UBR3: variants seen among roughly 807,000 people sequenced by gnomAD.
The protein encoded by UBR3 is ubiquitin protein ligase E3 component n-recognin 3, also known as E3 ubiquitin-protein ligase UBR3.
UBR3 carries 85 observed loss-of-function variants against 243.2 expected under a neutral mutation model. The observed-to-expected ratio is 0.35, with a 90% CI of 0.29 to 0.42. The LOEUF (loss-of-function observed/expected upper bound fraction) is 0.42, where lower values mean the gene tolerates loss of function less well. Among genes scored for constraint, UBR3 ranks in the 10% least tolerant of loss-of-function variants. The pLI is 1.00. For missense variants in UBR3, 1,686 were observed against 2,300.8 expected (o/e 0.73, Z 5.47); for synonymous variants, 748 against 799.8 (o/e 0.94, Z 1.09).
intron 23 of UBR3, among the ~76,000 whole-genome samples, chr2:169,950,896 A>G (rs1032415203): frequency 1.1e-4 from 16 of 152,128 alleles, no homozygotes; most frequent in African/African-American, 3.4e-4. Flanking sequence ...TAAAGAAAAA[A>G]AAAAAGAGCA....
chr2:169,904,288 A>G (rs16857257), intron 8 of UBR3, among the ~76,000 whole-genome samples: 8,726 of 152,276 alleles, frequency 0.057, 461 homozygotes, highest in African/African-American at 0.14. Context: ...AATAGAAACA[A>G]AAATTGACTC....
At chr2:169,845,605 A>C (rs1417943786) in intron 1 of UBR3, among the ~76,000 whole-genome samples, 2 of 129,900 alleles carry the variant, frequency 1.5e-5, no homozygotes, top group African/African-American at 5.8e-5. Flanking sequence ...TTTTTTTGAG[A>C]TGGGGTCTCG....
intron 24 of UBR3, among the ~76,000 whole-genome samples, chr2:169,968,947 G>T (rs2087953210): frequency 6.6e-6 from 1 of 152,098 alleles, no homozygotes; most frequent in South Asian, 2.1e-4. Flanking sequence ...GATTAATCAT[G>T]TTGACCTTTT....
intron 1 of UBR3, among the ~76,000 whole-genome samples, chr2:169,834,170 G>T (rs940184967): frequency 2.0e-5 from 3 of 152,172 alleles, no homozygotes; most frequent in Admixed American, 1.3e-4. Flanking sequence ...GTTGAATAGT[G>T]TTACTCTCTT....
chr2:169,844,022 T>C (rs1266644545), intron 1 of UBR3, among the ~76,000 whole-genome samples: 2 of 151,292 alleles, frequency 1.3e-5, no homozygotes, highest in Admixed American at 6.6e-5. Context: ...TTTTTTTTTT[T>C]TGAGACTGAG....
intron 24 of UBR3, among the ~76,000 whole-genome samples, chr2:169,976,612 C>A (rs1574324531): frequency 6.6e-6 from 1 of 152,158 alleles, no homozygotes; most frequent in African/African-American, 2.4e-5. Flanking sequence ...AAGGTTTTTG[C>A]TGAGAAATCT....
intron 24 of UBR3, among the ~76,000 whole-genome samples, chr2:169,962,314 A>G (rs2087616261): frequency 6.6e-6 from 1 of 152,036 alleles, no homozygotes; most frequent in Non-Finnish European, 1.5e-5. Context: ...CCTTAAAGCA[A>G]TCCTTCTGCC....
intron 5 of UBR3, among the ~76,000 whole-genome samples, chr2:169,882,602 A>G (rs1162762337): frequency 4.0e-5 from 6 of 151,528 alleles, no homozygotes; most frequent in African/African-American, 1.2e-4. Flanking sequence ...TTAGCTGAAC[A>G]TGCTGGCACA....
In UBR3 at chr2:169,927,418, A is replaced by G. The variant is rs1487888280; in HGVS notation, c.2424+13A>G. 1 of 1,524,628 alleles carries G rather than the reference A, an allele frequency of 6.6e-7. No individual in the cohort carries two copies. The highest frequency in any genetic ancestry group is 1.3e-5 in the South Asian group (1 of 77,088). The allele number at this position is 1,524,628 out of a possible 1,614,324, so 94.4% of individuals were successfully genotyped here. ...ATTGCTGGACCTCATATCCTTTTAAAATTTTACTTTCTGTTAGTTGCAGGA... is the reference window on the plus strand; with the variant it reads ...ATTGCTGGACCTCATATCCTTTTAAGATTTTACTTTCTGTTAGTTGCAGGA... On this transcript the variant is annotated intron_variant, in intron 17 of 38. Coordinates refer to ENST00000272793, the MANE Select transcript of UBR3 (RefSeq NM_172070.4).
At chr2:169,870,650 TTA>T (rs2083404495) in intron 1 of UBR3, among the ~76,000 whole-genome samples, 1 of 152,058 alleles carries the variant, frequency 6.6e-6, no homozygotes, top group African/African-American at 2.4e-5. Flanking sequence ...CTGTCTTTTA[TTA>T]TTATTATTAT....
At position 170,001,295 on chromosome 2, in the gene UBR3, A is replaced by G. The variant is rs759284289; in HGVS notation, c.3919-9A>G. The G allele has an allele frequency of 3.8e-6, 6 of 1,584,278 alleles. No homozygotes were observed. The highest frequency in any genetic ancestry group is 1.3e-5 in the African/African-American group (1 of 74,132). Reference sequence around the variant, plus strand: ...AATTAATTGTATTTGTCTTCTTTTTATTTTGAAGAGTTCATGTCTCTTGGC... The same window carrying G: ...AATTAATTGTATTTGTCTTCTTTTTGTTTTGAAGAGTTCATGTCTCTTGGC... On this transcript the variant is annotated splice_polypyrimidine_tract_variant and intron_variant, in intron 26 of 38. Transcript: ENST00000272793.
intron 5 of UBR3, among the ~76,000 whole-genome samples, chr2:169,881,935 A>AGGT (rs1467007412): frequency 2.2e-5 from 1 of 44,486 alleles, no homozygotes; most frequent in Admixed American, 3.0e-4. Flanking sequence ...GTATACATAT[A>AGGT]ATATAATTAC....
At chr2:169,848,111 T>C (rs1273330581) in intron 1 of UBR3, among the ~76,000 whole-genome samples, 1 of 152,224 alleles carries the variant, frequency 6.6e-6, no homozygotes, top group Non-Finnish European at 1.5e-5. Flanking sequence ...CTCTGACACA[T>C]ATCATCACGT....
At chr2:169,976,192 G>A (rs2088432421) in intron 24 of UBR3, among the ~76,000 whole-genome samples, 1 of 151,856 alleles carries the variant, frequency 6.6e-6, no homozygotes, top group African/African-American at 2.4e-5. Context: ...ATTATTGATA[G>A]ATGAGGGCTT....
At chr2:169,872,167 G>T (rs907578335) in intron 1 of UBR3, 69 bp from the exon 2 acceptor site, 2 of 1,130,666 alleles carry the variant, frequency 1.8e-6, no homozygotes, top group African/African-American at 3.2e-5. Context: ...TACGAATATT[G>T]TAAATAGAAA....
chr2:169,997,187 C>T lies in UBR3; in HGVS notation c.3918+2731C>T, dbSNP rs545426660. ...ACAGGATTCTTTTGGTGCCACTTCA[C>T]TAGGCAGAAACCTCTGTGGCTGGTG... On this transcript the variant is annotated intron_variant, in intron 26 of 38. Transcript: ENST00000272793. Among the ~76,000 whole-genome samples, 4 of 152,286 alleles carry T rather than the reference C, an allele frequency of 2.6e-5. No homozygotes were observed. The East Asian group carries it at 7.7e-4, about 29-fold the overall frequency.
chr2:170,065,084 C>G (rs2091533580), intron 35 of UBR3, among the ~76,000 whole-genome samples: 1 of 152,008 alleles, frequency 6.6e-6, no homozygotes, highest in South Asian at 2.1e-4. Context: ...CTCAGGCGAT[C>G]TGCCCGCCTT....
At chr2:169,973,708 G>A (rs1215839060) in intron 24 of UBR3, among the ~76,000 whole-genome samples, 3 of 152,146 alleles carry the variant, frequency 2.0e-5, no homozygotes, top group Non-Finnish European at 4.4e-5. Context: ...TTGCCTAAAT[G>A]CTCTGGCTAA....
chr2:169,878,377 A>AAT, intron 4 of UBR3, 148 bp from the exon 5 acceptor site: 3 of 711,454 alleles, frequency 4.2e-6, no homozygotes, highest in Non-Finnish European at 6.8e-6. Flanking sequence ...AAAAAAAAAA[A>AAT]GTTGGACTTT....
Sources: gnomAD v4.1 joint callset for allele counts (sites outside exome capture counted in the v4.1 genomes callset) on GRCh38, gnomAD v4.1.1 for gene constraint, MANE v1.5 for transcripts, NCBI Gene and HGNC (gene_info 2026-07-23, HGNC 2026-07-21) for gene names.